Variants in EPB41L4A observed in about 807,000 individuals in gnomAD.
The protein encoded by EPB41L4A is band 4.1-like protein 4A.
In EPB41L4A, 100 loss-of-function variants were observed where a neutral mutation model predicts 108.6. The observed-to-expected ratio is 0.92, with a 90% confidence interval of 0.78 to 1.09. EPB41L4A has a LOEUF of 1.09. Ranked by LOEUF, EPB41L4A falls within the 50% of genes least tolerant of loss-of-function variation. EPB41L4A has a pLI of 0.00. For missense variants in EPB41L4A, 1,030 were observed against 842.7 expected, an observed-to-expected ratio of 1.22 and a Z score of -2.75; for synonymous variants, 319 against 289.0, an observed-to-expected ratio of 1.10 and a Z score of -1.05.
At chr5:112,172,054 G>A (rs958945313) in intron 18 of EPB41L4A, among the ~76,000 whole-genome samples, 2 of 152,136 alleles carry the variant, frequency 1.3e-5, no homozygotes, top group African/African-American at 2.4e-5. Flanking sequence ...CAGCCACTGA[G>A]TTGACCAAAT....
In EPB41L4A at chr5:112,292,915, A is replaced by C. The variant is rs1227974768; in HGVS notation, c.205-12592T>G. ...CTTCCTTTATGGCTCATTCTGATTT[A>C]ACCGGGGAGAAGGACAGTCTAATTT... On this transcript the variant is annotated intron_variant, in intron 2 of 22. Transcript: ENST00000261486. Among the ~76,000 whole-genome samples, 3 of 152,162 alleles carry C rather than the reference A, an allele frequency of 2.0e-5. No homozygotes were observed. The East Asian group carries it at 5.8e-4, about 29-fold the overall frequency.
Position 112,259,974 on chromosome 5 carries a change from T to C in EPB41L4A, c.648A>G (p.Glu216=). The part of the protein sequence containing the change: ...YGVDLHPVYG[E]NKSEYFLGLT... ...ATCCTAAGAAATACTCAGACTTGTT[T>C]TCTCCCTGCAAAAACAAACATATGC... Residue 216 remains glutamate (E), a synonymous_variant, in exon 8 of 23, where the codon GAA becomes GAG. Transcript: ENST00000261486. 2 of 1,613,548 alleles carry C rather than the reference T, an allele frequency of 1.2e-6. No homozygotes were observed. The highest frequency in any genetic ancestry group is 1.7e-6 in the Non-Finnish European group (2 of 1,179,480).
chr5:112,144,651 T>G (rs1450468495), intron 13 of EPB41L4A, among the ~76,000 whole-genome samples: 6 of 152,172 alleles, frequency 3.9e-5, no homozygotes, highest in Non-Finnish European at 5.9e-5. Context: ...AGATGATATC[T>G]TTTGTGAGCT....
chr5:112,152,961 G>A (rs1195355527), intron 12 of EPB41L4A, among the ~76,000 whole-genome samples: 1 of 152,256 alleles, frequency 6.6e-6, no homozygotes, highest in Non-Finnish European at 1.5e-5. Context: ...GCTCATGCCT[G>A]TAATCCCAGC....
upstream of EPB41L4A, chr5:112,419,456 G>A: frequency 2.8e-6 from 1 of 361,856 alleles, no homozygotes; most frequent in Non-Finnish European, 5.4e-6. Context: ...GGAAAACCCT[G>A]GAAGCGCTGC....
chr5:112,319,679 G>A (rs1003707328), intron 1 of EPB41L4A, among the ~76,000 whole-genome samples: 3 of 152,150 alleles, frequency 2.0e-5, no homozygotes, highest in Non-Finnish European at 4.4e-5. Context: ...AAATAGTATG[G>A]TTATCAAAGT....
At chr5:112,246,951 T>C (rs912063326) in intron 9 of EPB41L4A, among the ~76,000 whole-genome samples, 1 of 152,238 alleles carries the variant, frequency 6.6e-6, no homozygotes. Flanking sequence ...CTCCCTGGCA[T>C]GTCCTTAACT....
chr5:112,292,539 T>C (rs1753716464), intron 2 of EPB41L4A, among the ~76,000 whole-genome samples: 1 of 152,154 alleles, frequency 6.6e-6, no homozygotes, highest in Non-Finnish European at 1.5e-5. Flanking sequence ...TTTTTAACAA[T>C]TCCAAGAACA....
chr5:112,162,004 T>C (rs1759937668), downstream of EPB41L4A: 1 of 152,704 alleles, frequency 6.5e-6, no homozygotes, highest in Non-Finnish European at 1.5e-5. Flanking sequence ...AGTACTGGCA[T>C]TCTGCATCTC....
chr5:112,213,122 A>T (rs1302304300), intron 12 of EPB41L4A, among the ~76,000 whole-genome samples: 1 of 152,210 alleles, frequency 6.6e-6, no homozygotes, highest in Non-Finnish European at 1.5e-5. Flanking sequence ...AGGAAAAAAA[A>T]ATCATGTGAG....
chr5:112,215,714 G>C (rs1747581033), intron 12 of EPB41L4A, among the ~76,000 whole-genome samples: 1 of 132,806 alleles, frequency 7.5e-6, no homozygotes, highest in African/African-American at 2.8e-5. Context: ...AGTGAGCAGA[G>C]ATCGCGCCAC....
chr5:112,229,343 CT>C (rs1236180616), intron 12 of EPB41L4A, among the ~76,000 whole-genome samples: 8 of 152,104 alleles, frequency 5.3e-5, no homozygotes, highest in Non-Finnish European at 8.8e-5. Context: ...TTATCTGGCC[CT>C]TCGTGAAAAA....
At chr5:112,268,393 A>C (rs1036316805) in intron 4 of EPB41L4A, among the ~76,000 whole-genome samples, 56 of 152,222 alleles carry the variant, frequency 3.7e-4, no homozygotes, top group Non-Finnish European at 6.8e-4. Context: ...AACAAACAAA[A>C]AAAAAACCTT....
At chr5:112,244,500 G>A (rs1273996279) in intron 9 of EPB41L4A, among the ~76,000 whole-genome samples, 2 of 152,236 alleles carry the variant, frequency 1.3e-5, no homozygotes, top group Non-Finnish European at 2.9e-5. Flanking sequence ...AGAAAGAGAC[G>A]TCTGAAAAAG....
chr5:112,145,151 G>A (rs553297889), intron 13 of EPB41L4A, among the ~76,000 whole-genome samples: 5 of 152,118 alleles, frequency 3.3e-5, no homozygotes, highest in Non-Finnish European at 7.4e-5. Context: ...TTAGCCAGGC[G>A]TGGTGGCACA....
At chr5:112,364,103 C>T (rs1410305544) in intron 1 of EPB41L4A, among the ~76,000 whole-genome samples, 1 of 152,206 alleles carries the variant, frequency 6.6e-6, no homozygotes, top group African/African-American at 2.4e-5. Context: ...CCTCAGCTCA[C>T]TGCAAACTCT....
At chr5:112,406,165 C>G (rs1028407411) in intron 1 of EPB41L4A, among the ~76,000 whole-genome samples, 1 of 152,222 alleles carries the variant, frequency 6.6e-6, no homozygotes, top group Non-Finnish European at 1.5e-5. Flanking sequence ...CCCTTGTAAA[C>G]AGCAGCAGAA....
At chr5:112,227,000 T>C (rs1242626215) in intron 12 of EPB41L4A, among the ~76,000 whole-genome samples, 3 of 147,334 alleles carry the variant, frequency 2.0e-5, no homozygotes, top group Non-Finnish European at 3.0e-5. Context: ...AAAAAAGGCT[T>C]GGACTAAATG....
intron 2 of EPB41L4A, among the ~76,000 whole-genome samples, chr5:112,285,022 C>CT (rs1753198097): frequency 6.6e-6 from 1 of 152,114 alleles, no homozygotes; most frequent in South Asian, 2.1e-4. Flanking sequence ...GGGGTCCAAC[C>CT]TTTCATTTGT....
Sources: gnomAD v4.1 joint callset for allele counts (sites outside exome capture counted in the v4.1 genomes callset) on GRCh38, gnomAD v4.1.1 for gene constraint, MANE v1.5 for transcripts, NCBI Gene and HGNC (gene_info 2026-07-23, HGNC 2026-07-21) for gene names.